The following IKZF4 variants were observed in gnomAD, a reference collection of about 807,000 sequenced individuals.
IKZF4 encodes zinc finger protein Eos.
A neutral mutation model predicts 47.7 loss-of-function variants in IKZF4; 11 were observed. The ratio of observed to expected loss-of-function variants is 0.23; its 90% CI spans 0.15 to 0.38. The LOEUF is 0.38. Ranked by LOEUF, IKZF4 falls within the 10% of genes least tolerant of loss-of-function variation. The pLI, the probability that IKZF4 is intolerant of heterozygous loss-of-function variation, is 1.00. For synonymous variants in IKZF4, 298 were observed against 299.4 expected, an observed-to-expected ratio of 1.00 and a Z score of 0.05; for missense variants, 557 against 784.9, an observed-to-expected ratio of 0.71 and a Z score of 3.47.
At chr12:56,020,707 G>A (rs977618500), upstream of IKZF4, among the ~76,000 whole-genome samples, 9 of 152,136 alleles carry the variant, frequency 5.9e-5, no homozygotes, top group African/African-American at 1.2e-4. Context: ...TGGGGAGACC[G>A]TACCAGCCTT....
At chr12:56,017,876 T>A (rs1892330947), upstream of IKZF4, among the ~76,000 whole-genome samples, 1 of 152,142 alleles carries the variant, frequency 6.6e-6, no homozygotes, top group Admixed American at 6.5e-5. Context: ...TTTGTAGAGA[T>A]GGGATCTCCC....
chr12:56,028,799 C>A (rs1323734906), intron 5 of IKZF4, among the ~76,000 whole-genome samples: 10 of 152,204 alleles, frequency 6.6e-5, no homozygotes, highest in African/African-American at 2.4e-4. Flanking sequence ...TTGTCTTGAA[C>A]TCTTGATCTC....
chr12:56,018,585 A>G (rs1398914925), upstream of IKZF4, among the ~76,000 whole-genome samples: 2 of 152,078 alleles, frequency 1.3e-5, no homozygotes, highest in African/African-American at 4.8e-5. Flanking sequence ...AGTCATGTGA[A>G]TGAGTGAAGT....
intron 2 of IKZF4, among the ~76,000 whole-genome samples, chr12:56,014,148 T>TC (rs1238799980): frequency 7.5e-6 from 1 of 133,064 alleles, no homozygotes; most frequent in Non-Finnish European, 1.5e-5. Flanking sequence ...AGATCGAGAC[T>TC]CCGTCTCAAA....
chr12:56,018,268 C>A (rs1892391051), upstream of IKZF4: 1 of 920,076 alleles, frequency 1.1e-6, no homozygotes, highest in Non-Finnish European at 1.5e-6. Flanking sequence ...AGGCACACAG[C>A]CTCTAAATGT....
At chr12:56,026,476 G>A (rs1389945638) in intron 3 of IKZF4, among the ~76,000 whole-genome samples, 1 of 151,760 alleles carries the variant, frequency 6.6e-6, no homozygotes, top group African/African-American at 2.4e-5. Flanking sequence ...GATCACCTGA[G>A]GTTGGAAGTT....
At chr12:56,012,735 A>G (rs1408734895) in intron 2 of IKZF4, among the ~76,000 whole-genome samples, 1 of 152,174 alleles carries the variant, frequency 6.6e-6, no homozygotes, top group African/African-American at 2.4e-5. Flanking sequence ...TCTAGAAAGG[A>G]TGCCCATTCC....
chr12:56,027,336 AC>A (rs1894194693), intron 4 of IKZF4, among the ~76,000 whole-genome samples: 1 of 152,092 alleles, frequency 6.6e-6, no homozygotes, highest in Admixed American at 6.5e-5. Flanking sequence ...GAAAGTGTAG[AC>A]TCAAGAATGA....
rs570831272 is a variant in IKZF4, at chr12:56,028,078, A to G, written c.715+131A>G. 143 of 1,031,002 alleles carry G rather than the reference A, an allele frequency of 1.4e-4. No individual in the cohort carries two copies. In the African/African-American group the frequency reaches 2.2e-3, roughly 16 times the overall value. 63.9% of individuals were successfully genotyped at this position (1,031,002 alleles called of 1,614,324 possible). A position where few individuals can be genotyped will look rare whatever the true frequency, so the allele number is the denominator to read the frequency against. ...GGAGGGGGGAGCATTTACAGAGCAG[A>G]TAGGGCCCCCTGCCTCTCTCACCCA... On this transcript the variant is annotated intron_variant, in intron 5 of 7. Transcript: ENST00000547167.
Position 56,021,120 on chromosome 12 carries a change from T to G in IKZF4, c.-374T>G. The G allele has an allele frequency of 7.2e-7, 1 of 1,383,002 alleles. No homozygotes were observed. Among genetic ancestry groups the G allele is most frequent in the East Asian group, 2.7e-5 (1 of 36,596 alleles). The allele number at this position is 1,383,002 out of a possible 1,614,324, so 85.7% of individuals were successfully genotyped here. The stretch of plus-strand genomic sequence containing the variant: ...GCACGAGGGGCAACAGCATCTGCCT[T>G]TCCCTCCCTGTGCACACACCCACCA... On this transcript the variant is annotated 5_prime_UTR_variant, in exon 1 of 8. Transcript: ENST00000547167.
intron 1 of IKZF4, among the ~76,000 whole-genome samples, chr12:56,022,648 G>A (rs150853866): frequency 1.6e-4 from 24 of 152,252 alleles, no homozygotes; most frequent in African/African-American, 5.5e-4. Context: ...CATGAAAGTA[G>A]ACTTGATCCT....
intron 5 of IKZF4, among the ~76,000 whole-genome samples, chr12:56,031,607 C>T (rs1270042043): frequency 6.6e-6 from 1 of 152,188 alleles, no homozygotes; most frequent in African/African-American, 2.4e-5. Flanking sequence ...TAATTACCAG[C>T]TTCCTAGAGA....
intron 3 of IKZF4, among the ~76,000 whole-genome samples, chr12:56,025,640 G>C (rs1454334438): frequency 2.0e-5 from 3 of 152,102 alleles, no homozygotes; most frequent in African/African-American, 7.2e-5. Context: ...CTCCTCAATG[G>C]TTCCTCCTTC....
chr12:56,032,197 C>A (rs1895010553), intron 5 of IKZF4: 1 of 198,770 alleles, frequency 5.0e-6, no homozygotes, highest in African/African-American at 2.4e-5. Context: ...CAGTCTGGGC[C>A]CCAGACTCTG....
chr12:56,018,134 T>C, upstream of IKZF4: 1 of 1,289,198 alleles, frequency 7.8e-7, no homozygotes, highest in South Asian at 1.2e-5. Context: ...AGAATCTCTT[T>C]AAAATGGACA....
At chr12:56,013,129 A>G (rs998579817) in intron 2 of IKZF4, among the ~76,000 whole-genome samples, 1 of 152,106 alleles carries the variant, frequency 6.6e-6, no homozygotes, top group African/African-American at 2.4e-5. Flanking sequence ...GTTGCTTTGT[A>G]TTCAGCTCAC....
intron 5 of IKZF4, among the ~76,000 whole-genome samples, chr12:56,031,928 A>C (rs535606636): frequency 6.6e-6 from 1 of 151,824 alleles, no homozygotes; most frequent in African/African-American, 2.4e-5. Context: ...GGCTTTCTAG[A>C]CCTCTCTTGG....
At chr12:56,016,424 CTTTT>C (rs1316176573), upstream of IKZF4, among the ~76,000 whole-genome samples, 6 of 132,890 alleles carry the variant, frequency 4.5e-5, no homozygotes, top group African/African-American at 2.8e-5. Context: ...TTTTTCTTTT[CTTTT>C]TTTTTTTTTT....
upstream of IKZF4, chr12:56,019,369 G>T: frequency 1.0e-6 from 1 of 985,198 alleles, no homozygotes; most frequent in Non-Finnish European, 1.2e-6. Context: ...AGCAAGATGG[G>T]TCAGACACAC....
Sources: gnomAD v4.1 joint callset for allele counts (sites outside exome capture counted in the v4.1 genomes callset) on GRCh38, gnomAD v4.1.1 for gene constraint, MANE v1.5 for transcripts, NCBI Gene and HGNC (gene_info 2026-07-23, HGNC 2026-07-21) for gene names.